Variants in DENND2B observed in about 807,000 individuals in gnomAD.
DENND2B encodes DENN domain-containing protein 2B.
A neutral mutation model predicts 116.0 loss-of-function variants in DENND2B; 32 were observed. The ratio of observed to expected loss-of-function variants is 0.28; its 90% confidence interval spans 0.21 to 0.37. The LOEUF (loss-of-function observed/expected upper bound fraction) is 0.37, where lower values mean the gene tolerates loss of function less well. Ranked by LOEUF, DENND2B falls within the 10% of genes least tolerant of loss-of-function variation. The pLI is 1.00. For missense variants in DENND2B, 1,276 were observed against 1,477.7 expected (o/e 0.86, Z 2.24); for synonymous variants, 588 against 583.9 (o/e 1.01, Z -0.10).
chr11:8,708,823 C>T (rs1159080679), intron 11 of DENND2B, among the ~76,000 whole-genome samples: 3 of 152,082 alleles, frequency 2.0e-5, no homozygotes, highest in Non-Finnish European at 4.4e-5. Flanking sequence ...TAGTGGCATG[C>T]GCCTGTAATC....
chr11:8,758,740 C>G (rs894296228), intron 1 of DENND2B, among the ~76,000 whole-genome samples: 1 of 152,110 alleles, frequency 6.6e-6, no homozygotes, highest in African/African-American at 2.4e-5. Flanking sequence ...AGTTAGATGC[C>G]GCGGCTCCCT....
chr11:8,699,526 A>T, intron 14 of DENND2B, 136 bp from the exon 15 acceptor site: 2 of 826,038 alleles, frequency 2.4e-6, no homozygotes, highest in Non-Finnish European at 3.7e-6. Flanking sequence ...GACCCTGCAG[A>T]CTGGTAAAGT....
At chr11:8,815,023 G>A (rs2061520515), upstream of DENND2B, among the ~76,000 whole-genome samples, 1 of 152,026 alleles carries the variant, frequency 6.6e-6, no homozygotes, top group African/African-American at 2.4e-5. Flanking sequence ...ACTCTCCTGG[G>A]GCTGCCCTCC....
chr11:8,859,887 CTT>C lies in DENND2B; in HGVS notation c.-249-2453_-249-2452del, dbSNP rs375451668. Reference sequence around the variant, plus strand: ...GCTTTGTGAACAAAGTTTTCTGTCTCTTCTTTCCTGGAAATTTCTCAAGCTGT... The same window carrying C: ...GCTTTGTGAACAAAGTTTTCTGTCTCCTTTCCTGGAAATTTCTCAAGCTGT... On this transcript the variant is annotated intron_variant, in intron 2 of 6. Coordinates refer to the DENND2B transcript ENST00000524757. Among the ~76,000 whole-genome samples, 446 of 152,238 alleles carry C rather than the reference CTT, an allele frequency of 2.9e-3. 3 individuals carry two copies. Among genetic ancestry groups the C allele is most frequent in the African/African-American group, 0.01 (428 of 41,522 alleles).
Position 8,699,216 on chromosome 11 carries a change from C to T in DENND2B, c.2895G>A (p.Glu965=). The T allele has an allele frequency of 6.4e-7, 1 of 1,560,898 alleles. No individual in the cohort carries two copies. Among genetic ancestry groups the T allele is most frequent in the Non-Finnish European group, 8.6e-7 (1 of 1,158,696 alleles). Reference sequence around the variant, plus strand: ...GCTGGTTCCCCCGGTGGCCCACCTCCTCCACAGGCAGCTCCTTCAGTTTGG... The same window carrying T: ...GCTGGTTCCCCCGGTGGCCCACCTCTTCCACAGGCAGCTCCTTCAGTTTGG... The part of the protein sequence containing the change: ...SLPKLKELPV[E]EALMVNLGSD... Residue 965 remains glutamate, a synonymous_variant, in exon 15 of 20, where the codon GAG becomes GAA. Coordinates refer to ENST00000313726, the MANE Select transcript of DENND2B (RefSeq NM_213618.2).
intron 1 of DENND2B, among the ~76,000 whole-genome samples, chr11:8,783,484 T>A (rs1420603362): frequency 1.3e-5 from 2 of 152,168 alleles, no homozygotes; most frequent in Non-Finnish European, 2.9e-5. Context: ...TTACAAAATA[T>A]AAGTGAAAAA....
intron 3 of DENND2B, among the ~76,000 whole-genome samples, chr11:8,842,322 C>A (rs376640669): frequency 7.9e-5 from 12 of 152,346 alleles, no homozygotes; most frequent in African/African-American, 2.9e-4. Flanking sequence ...GTGCTGGTCA[C>A]ATTCCGATGA....
intron 3 of DENND2B, among the ~76,000 whole-genome samples, chr11:8,853,759 C>T (rs1480981770): frequency 2.6e-5 from 4 of 151,970 alleles, no homozygotes; most frequent in South Asian, 2.1e-4. Flanking sequence ...AGAGAAAGAC[C>T]TAGAAAGGAG....
At position 8,702,898 on chromosome 11, in the gene DENND2B, C is replaced by T. The variant is rs1350360740; in HGVS notation, c.2572-178G>A. The T allele has an allele frequency of 1.3e-5, 10 of 763,744 alleles. No homozygotes were observed. The highest frequency in any genetic ancestry group is 4.0e-5 in the South Asian group (2 of 50,550). 47.3% of individuals were successfully genotyped at this position (763,744 alleles called of 1,614,324 possible). A position where few individuals can be genotyped will look rare whatever the true frequency, so the allele number is the denominator to read the frequency against. On this transcript the variant is annotated intron_variant, in intron 13 of 19. Coordinates refer to ENST00000313726, the MANE Select transcript of DENND2B (RefSeq NM_213618.2). This position sits in a 1 kb window ranked among gnomAD's most constrained non-coding sequence, Gnocchi z 4.6. ...ATCCCTCGGACTACAGCTCTGCTCTCGTAGCACTCGAACACCCAGCCTGTG... is the reference window on the plus strand; with the variant it reads ...ATCCCTCGGACTACAGCTCTGCTCTTGTAGCACTCGAACACCCAGCCTGTG...
chr11:8,738,028 C>G (rs565380572), intron 2 of DENND2B, among the ~76,000 whole-genome samples: 2 of 152,048 alleles, frequency 1.3e-5, no homozygotes, highest in African/African-American at 2.4e-5. Flanking sequence ...GGATTGCAGG[C>G]ATGAACCACC....
intron 4 of DENND2B, among the ~76,000 whole-genome samples, chr11:8,822,566 T>C (rs2061806555): frequency 6.6e-6 from 1 of 152,220 alleles, no homozygotes; most frequent in Non-Finnish European, 1.5e-5. Context: ...TCCAACAAGG[T>C]ACTGAGATAG....
At chr11:8,738,460 G>C (rs376237714) in intron 2 of DENND2B, among the ~76,000 whole-genome samples, 69 of 152,232 alleles carry the variant, frequency 4.5e-4, no homozygotes, top group African/African-American at 1.5e-3. Context: ...CATTCCAGAG[G>C]GGGGAGAAAA....
At chr11:8,849,025 A>C (rs1176076061) in intron 3 of DENND2B, among the ~76,000 whole-genome samples, 1 of 151,932 alleles carries the variant, frequency 6.6e-6, no homozygotes, top group Non-Finnish European at 1.5e-5. Flanking sequence ...TAAAAAAGAA[A>C]TACTAAATTT....
In DENND2B at chr11:8,870,509, A is replaced by ATG. The variant is rs35041188; in HGVS notation, c.-250+443_-250+444dup. 7.7e-3 allele frequency among the ~76,000 whole-genome samples: 1,148 copies of ATG among 150,024 alleles called. 9 individuals carry two copies. The highest frequency in any genetic ancestry group is 9.7e-3 in the Admixed American group (147 of 15,158). On this transcript the variant is annotated intron_variant, in intron 2 of 6. Transcript: ENST00000524757. ...GTGTCTGTGTGTGTTGTGCGTGTGTATGTGTGTGTGTGTGTGCGCGCGCGC... is the reference window on the plus strand; with the variant it reads ...GTGTCTGTGTGTGTTGTGCGTGTGTATGTGTGTGTGTGTGTGTGCGCGCGCGC...
chr11:8,730,502 C>G lies in DENND2B; in HGVS notation c.788G>C (p.Ser263Thr). 1 of 1,612,552 alleles carries G rather than the reference C, an allele frequency of 6.2e-7. No homozygotes were observed. The highest frequency in any genetic ancestry group is 8.5e-7 in the Non-Finnish European group (1 of 1,180,022). ...FYRLEKRLGR[S>T]EPSAFLRGHG... The stretch of plus-strand genomic sequence containing the variant: ...CCCCCTGAGGAAGGCGCTGGGCTCA[C>G]TCCGGCCCAGCCGTTTCTCCAGCCG... The change falls in exon 3 of 20, where the codon AGT (serine) becomes ACT (threonine). Residue 263 changes from serine to threonine, a missense_variant. By Grantham distance (58) the Ser-to-Thr change is moderately conservative. Transcript: ENST00000313726. This position sits in a 1 kb window ranked among gnomAD's most constrained non-coding sequence, Gnocchi z 4.1.
At chr11:8,813,805 G>C (rs754850985), upstream of DENND2B, among the ~76,000 whole-genome samples, 2 of 152,128 alleles carry the variant, frequency 1.3e-5, no homozygotes, top group African/African-American at 2.4e-5. Flanking sequence ...TTAGGGCCTT[G>C]TCCTGGGGGA....
intron 4 of DENND2B, among the ~76,000 whole-genome samples, chr11:8,837,969 C>T (rs1594184568): frequency 6.6e-6 from 1 of 152,290 alleles, no homozygotes; most frequent in Non-Finnish European, 1.5e-5. Context: ...GAAGGCTAAG[C>T]CTCCCACATC....
At chr11:8,834,455 G>T (rs894090310) in intron 4 of DENND2B, among the ~76,000 whole-genome samples, 6 of 152,178 alleles carry the variant, frequency 3.9e-5, no homozygotes, top group African/African-American at 1.4e-4. Context: ...TAAAGAATGC[G>T]ATCCTGTCAT....
intron 1 of DENND2B, chr11:8,809,800 T>C (rs1282763905): frequency 1.3e-5 from 2 of 152,166 alleles, no homozygotes; most frequent in Non-Finnish European, 2.9e-5. Flanking sequence ...GAGAGCTCAC[T>C]CTGGGACATC....
Sources: allele counts gnomAD v4.1 joint callset (sites outside exome capture counted in the v4.1 genomes callset), GRCh38; gene constraint gnomAD v4.1.1; non-coding constraint Gnocchi (gnomAD v3.1); transcripts MANE v1.5; gene names NCBI Gene and HGNC (gene_info 2026-07-23, HGNC 2026-07-21).